The following KCTD1 variants were observed in gnomAD, a reference collection of about 807,000 sequenced individuals.
KCTD1 encodes the protein BTB/POZ domain-containing protein KCTD1.
KCTD1 carries 24 observed loss-of-function variants against 66.0 expected under a neutral mutation model. The observed-to-expected ratio is 0.36, with a 90% CI of 0.26 to 0.51. The LOEUF (loss-of-function observed/expected upper bound fraction) is 0.51. Ranked by LOEUF, KCTD1 falls within the 20% of genes least tolerant of loss-of-function variation. KCTD1 has a pLI of 0.95. For synonymous variants in KCTD1, 511 were observed against 517.2 expected, an observed-to-expected ratio of 0.99 and a Z score of 0.16; for missense variants, 943 against 1,205.2, an observed-to-expected ratio of 0.78 and a Z score of 3.22.
At chr18:26,642,086 A>G (rs911966933), upstream of KCTD1, among the ~76,000 whole-genome samples, 3 of 152,174 alleles carry the variant, frequency 2.0e-5, no homozygotes, top group South Asian at 4.1e-4. Flanking sequence ...TCCATGCCCT[A>G]TGGAATTGGG....
chr18:26,473,383 G>A (rs1380304987), intron 3 of KCTD1, among the ~76,000 whole-genome samples: 1 of 151,850 alleles, frequency 6.6e-6, no homozygotes, highest in African/African-American at 2.4e-5. Context: ...CAAAGGGAGG[G>A]GAACAACACA....
At chr18:26,627,576 C>T (rs1464153747) in intron 1 of KCTD1, among the ~76,000 whole-genome samples, 1 of 152,092 alleles carries the variant, frequency 6.6e-6, no homozygotes, top group Non-Finnish European at 1.5e-5. Context: ...TTTTTGGAAC[C>T]TGGGTCCTCT....
At chr18:26,647,632 G>T (rs1266201703) in intron 1 of KCTD1, among the ~76,000 whole-genome samples, 1 of 148,038 alleles carries the variant, frequency 6.8e-6, no homozygotes, top group Non-Finnish European at 1.5e-5. Flanking sequence ...ACTGCATTAA[G>T]TAGGGTCCAA....
At chr18:26,625,360 A>G (rs1987477022) in intron 1 of KCTD1, among the ~76,000 whole-genome samples, 1 of 152,168 alleles carries the variant, frequency 6.6e-6, no homozygotes, top group South Asian at 2.1e-4. Context: ...CATAATCCCC[A>G]TGTGTCATGG....
Position 26,548,102 on chromosome 18 carries a change from G to A in KCTD1, c.435C>T (p.Arg145=), listed in dbSNP as rs1567989559. Reference sequence around the variant, plus strand: ...CGGAGCCGTCCCCGGGCGGCCCACCGCGGGCCCGGGGCGCCAGCAGTCGCG... The same window carrying A: ...CGGAGCCGTCCCCGGGCGGCCCACCACGGGCCCGGGGCGCCAGCAGTCGCG... ...APPRLLAPRA[R]GGPPGDGSEL... is the part of the protein sequence containing the mutation. The change falls in exon 1 of 5, where the codon CGC becomes CGT. Residue 145 remains arginine, a synonymous_variant. Coordinates refer to ENST00000580059, the MANE Select transcript of KCTD1 (RefSeq NM_001142730.3). 1 of 1,318,078 alleles carries A rather than the reference G, an allele frequency of 7.6e-7. No homozygotes were observed. The highest frequency in any genetic ancestry group is 9.6e-7 in the Non-Finnish European group (1 of 1,043,464). The allele number at this position is 1,318,078 out of a possible 1,614,324, so 81.6% of individuals were successfully genotyped here.
intron 1 of KCTD1, among the ~76,000 whole-genome samples, chr18:26,574,196 T>C (rs898050719): frequency 2.6e-4 from 39 of 152,242 alleles, no homozygotes; most frequent in African/African-American, 9.2e-4. Flanking sequence ...TGCTGCCTAA[T>C]TAGCTGAAAA....
At chr18:26,501,364 C>G (rs1982754085) in intron 1 of KCTD1, 114 bp from the exon 2 acceptor site, 1 of 918,856 alleles carries the variant, frequency 1.1e-6, no homozygotes, top group African/African-American at 1.7e-5. Context: ...AGTAATAAAA[C>G]CTGAAAAACC....
intron 3 of KCTD1, among the ~76,000 whole-genome samples, chr18:26,466,510 T>C (rs1241280490): frequency 6.6e-6 from 1 of 152,194 alleles, no homozygotes; most frequent in Non-Finnish European, 1.5e-5. Flanking sequence ...CTCTTGGTTG[T>C]TGCAACCGGG....
chr18:26,606,377 G>C (rs1387556146), intron 1 of KCTD1, among the ~76,000 whole-genome samples: 1 of 152,140 alleles, frequency 6.6e-6, no homozygotes, highest in East Asian at 1.9e-4. Context: ...CAAGAGGAGA[G>C]GTTCATTCAG....
intron 1 of KCTD1, among the ~76,000 whole-genome samples, chr18:26,595,644 C>CT (rs1332344274): frequency 1.8e-4 from 28 of 152,194 alleles, no homozygotes; most frequent in African/African-American, 6.8e-4. Context: ...CCACCACCAC[C>CT]TACCTGAGGC....
intron 1 of KCTD1, among the ~76,000 whole-genome samples, chr18:26,503,843 CTGGGGG>C (rs1484890775): frequency 1.2e-4 from 2 of 16,452 alleles, no homozygotes; most frequent in African/African-American, 5.5e-4. Context: ...GTTTCTTCAG[CTGGGGG>C]TGGGGGTGGG....
At chr18:26,588,154 T>C (rs1253885104) in intron 1 of KCTD1, among the ~76,000 whole-genome samples, 2 of 152,206 alleles carry the variant, frequency 1.3e-5, no homozygotes, top group East Asian at 3.8e-4. Context: ...TGGCCAGGTG[T>C]GGTGCTGTGC....
At chr18:26,636,369 C>T (rs1263834320) in intron 1 of KCTD1, among the ~76,000 whole-genome samples, 1 of 152,070 alleles carries the variant, frequency 6.6e-6, no homozygotes, top group African/African-American at 2.4e-5. Flanking sequence ...GCTAGTATTG[C>T]CCTTCGACCT....
rs986196501 is a variant in KCTD1 at position 26,547,067 on chromosome 18, G to A, written c.1470C>T (p.His490=). ...YAEALNGAAR[H]HSHHPPTHPS... ...GATGGGTGGGGGGGTGGTGGGAGTG[G>A]TGCCGTGCCGCCCCGTTCAGAGCCT... The change falls in exon 1 of 5, where the codon CAC becomes CAT. Residue 490 remains histidine, a synonymous_variant. Transcript: ENST00000580059. 1 of 1,520,440 alleles carries A rather than the reference G, an allele frequency of 6.6e-7. No individual in the cohort carries two copies. Among genetic ancestry groups the A allele is most frequent in the South Asian group, 1.2e-5 (1 of 80,884 alleles). 94.2% of individuals were successfully genotyped at this position (1,520,440 alleles called of 1,614,324 possible). A position where few individuals can be genotyped will look rare whatever the true frequency, so the allele number is the denominator to read the frequency against.
intron 1 of KCTD1, among the ~76,000 whole-genome samples, chr18:26,568,313 G>T (rs1235551568): frequency 6.6e-6 from 1 of 152,024 alleles, no homozygotes. Flanking sequence ...CTAGCTCACT[G>T]CAGCCTCAGC....
intron 1 of KCTD1, among the ~76,000 whole-genome samples, chr18:26,590,187 A>G (rs1426451634): frequency 6.6e-6 from 1 of 151,742 alleles, no homozygotes; most frequent in African/African-American, 2.4e-5. Context: ...GGGTTCAAGC[A>G]GTTCTCCTGC....
chr18:26,532,105 G>A (rs535544075), intron 1 of KCTD1, among the ~76,000 whole-genome samples: 2 of 152,204 alleles, frequency 1.3e-5, no homozygotes, highest in African/African-American at 4.8e-5. Flanking sequence ...CTGGGATGAG[G>A]ATGGGCTGAA....
At chr18:26,489,321 TCTC>T (rs1406245302) in intron 2 of KCTD1, among the ~76,000 whole-genome samples, 2 of 152,216 alleles carry the variant, frequency 1.3e-5, no homozygotes, top group Admixed American at 6.5e-5. Context: ...ACCAGACTCT[TCTC>T]CTAACATAGC....
chr18:26,639,085 C>T (rs1343307597), intron 1 of KCTD1, among the ~76,000 whole-genome samples: 1 of 152,120 alleles, frequency 6.6e-6, no homozygotes, highest in Non-Finnish European at 1.5e-5. Flanking sequence ...CCCAGAGTCC[C>T]CTGGGGAGAA....
Sources: allele counts gnomAD v4.1 joint callset (sites outside exome capture counted in the v4.1 genomes callset), GRCh38; gene constraint gnomAD v4.1.1; transcripts MANE v1.5; gene names NCBI Gene and HGNC (gene_info 2026-07-23, HGNC 2026-07-21).